IFT80: variants seen among roughly 807,000 people sequenced by gnomAD.
The protein encoded by IFT80 is intraflagellar transport 80.
Under a neutral mutation model 107.9 loss-of-function variants are expected in IFT80, and 79 were observed. The ratio of observed to expected loss-of-function variants is 0.73; its 90% CI spans 0.61 to 0.88. The LOEUF (loss-of-function observed/expected upper bound fraction) is 0.88, where lower values mean the gene tolerates loss of function less well. Among genes scored for constraint, IFT80 ranks in the 40% least tolerant of loss-of-function variants. The pLI is 0.00. For synonymous variants in IFT80, 299 were observed against 300.9 expected (o/e 0.99, Z 0.07); for missense variants, 797 against 914.2 (o/e 0.87, Z 1.65).
At chr3:160,280,620 A>C (rs762873799) in intron 15 of IFT80, 47 bp downstream of exon 15, 1 of 1,503,860 alleles carries the variant, frequency 6.6e-7, no homozygotes, top group East Asian at 2.3e-5. Flanking sequence ...ATACTCTATT[A>C]GAGTTTTATT....
chr3:160,318,924 C>T (rs1169868625), intron 9 of IFT80, among the ~76,000 whole-genome samples: 1 of 151,956 alleles, frequency 6.6e-6, no homozygotes. Flanking sequence ...CCTCCCTATA[C>T]CCAGAGGAAA....
At chr3:160,357,648 T>C (rs1721190388) in intron 6 of IFT80, 70 bp from the exon 7 acceptor site, 10 of 999,432 alleles carry the variant, frequency 1.0e-5, no homozygotes, top group South Asian at 5.5e-5. Flanking sequence ...GTAAGAAATA[T>C]ATTTTGCCTC....
Position 160,300,753 on chromosome 3 carries a change from A to G in IFT80, c.1315+130T>C, listed in dbSNP as rs1576774115. 5 of 713,680 alleles carry G rather than the reference A, an allele frequency of 7.0e-6. No homozygotes were observed. The East Asian group carries it at 1.4e-4, about 20-fold the overall frequency. The allele number at this position is 713,680 out of a possible 1,614,324, so 44.2% of individuals were successfully genotyped here. On this transcript the variant is annotated intron_variant, in intron 12 of 19. Coordinates refer to ENST00000326448, the MANE Select transcript of IFT80 (RefSeq NM_020800.3). ...TTAACTCATGTTTTGAAAACAAAATAGAAAGCTCATAATTCTTTTTCTATA... is the reference window on the plus strand; with the variant it reads ...TTAACTCATGTTTTGAAAACAAAATGGAAAGCTCATAATTCTTTTTCTATA...
Position 160,268,884 on chromosome 3 carries a change from A to G in IFT80, c.2100-348T>C, listed in dbSNP as rs545997727. On this transcript the variant is annotated intron_variant, in intron 18 of 19. Transcript: ENST00000326448. ...GCCAATACACTTATTGAAGGGAGAC[A>G]TTTCTCTTTGGTGAGTAATACAGAG... 3.3e-5 allele frequency: 9 copies of G among 269,260 alleles called. No homozygotes were observed. The East Asian group carries it at 8.3e-4, about 25-fold the overall frequency. 16.7% of individuals were successfully genotyped at this position (269,260 alleles called of 1,614,324 possible). A position where few individuals can be genotyped will look rare whatever the true frequency, so the allele number is the denominator to read the frequency against.
At chr3:160,392,474 T>C (rs1006144392) in intron 1 of IFT80, among the ~76,000 whole-genome samples, 1 of 152,222 alleles carries the variant, frequency 6.6e-6, no homozygotes, top group Non-Finnish European at 1.5e-5. Context: ...ACCGTGATTT[T>C]CCCTTCAACT....
rs908245596 is a variant in IFT80, at chr3:160,385,974, T to C, written c.-46-1328A>G. On this transcript the variant is annotated intron_variant, in intron 1 of 19. Coordinates refer to ENST00000326448, the MANE Select transcript of IFT80 (RefSeq NM_020800.3). The stretch of plus-strand genomic sequence containing the variant: ...ATACACATAAAAACTGAATATACTA[T>C]TACAATCAGAAACTTAAAAGACATG... Among the ~76,000 whole-genome samples, 15 of 152,308 alleles carry C rather than the reference T, an allele frequency of 9.8e-5. No homozygotes were observed. In the East Asian group the frequency reaches 2.3e-3, roughly 23 times the overall value.
At chr3:160,321,522 A>G (rs1718216285) in intron 8 of IFT80, among the ~76,000 whole-genome samples, 1 of 151,974 alleles carries the variant, frequency 6.6e-6, no homozygotes, top group African/African-American at 2.4e-5. Flanking sequence ...CAGGATCCCC[A>G]GTGGAAGCCT....
chr3:160,326,203 AAAC>A (rs1718663536), intron 8 of IFT80, among the ~76,000 whole-genome samples: 1 of 152,110 alleles, frequency 6.6e-6, no homozygotes, highest in Non-Finnish European at 1.5e-5. Context: ...TCTAGTAATA[AAAC>A]AATATAATCA....
chr3:160,285,971 T>TGTGGTCTAGAGAGTTA, intron 12 of IFT80, 103 bp from the exon 13 acceptor site: 3 of 786,030 alleles, frequency 3.8e-6, no homozygotes, highest in Non-Finnish European at 6.3e-6. Flanking sequence ...TTTAACTCTC[T>TGTGGTCTAGAGAGTTA]AGACCACAGA....
At chr3:160,386,564 C>T (rs2108412312) in intron 1 of IFT80, among the ~76,000 whole-genome samples, 1 of 152,188 alleles carries the variant, frequency 6.6e-6, no homozygotes, top group African/African-American at 2.4e-5. Flanking sequence ...CAGTGTGGGT[C>T]AACATTTATG....
intron 2 of IFT80, chr3:160,383,488 T>C: frequency 1.1e-6 from 1 of 928,632 alleles, no homozygotes; most frequent in Non-Finnish European, 1.3e-6. Context: ...CTAGTTCTGA[T>C]GAAGGACCAG....
At chr3:160,264,891 C>T (rs1180397516) in intron 19 of IFT80, among the ~76,000 whole-genome samples, 1 of 152,110 alleles carries the variant, frequency 6.6e-6, no homozygotes, top group Non-Finnish European at 1.5e-5. Context: ...ACATGTTATT[C>T]TCATCTCCTA....
intron 8 of IFT80, among the ~76,000 whole-genome samples, chr3:160,328,163 C>G (rs1421395882): frequency 6.6e-6 from 1 of 151,890 alleles, no homozygotes; most frequent in Non-Finnish European, 1.5e-5. Flanking sequence ...GTCAGAATGG[C>G]TATTACTAAA....
At chr3:160,345,071 C>T (rs1559951580) in intron 8 of IFT80, among the ~76,000 whole-genome samples, 1 of 152,090 alleles carries the variant, frequency 6.6e-6, no homozygotes, top group Non-Finnish European at 1.5e-5. Flanking sequence ...ACCATATGAC[C>T]AAGCAATCCC....
chr3:160,278,399 T>C (rs374909476), intron 16 of IFT80, among the ~76,000 whole-genome samples: 22 of 152,340 alleles, frequency 1.4e-4, no homozygotes, highest in African/African-American at 5.0e-4. Flanking sequence ...CCCTGTGCTA[T>C]GTAAATGTCA....
chr3:160,379,344 A>C (rs548821030), intron 3 of IFT80, among the ~76,000 whole-genome samples: 114 of 152,332 alleles, frequency 7.5e-4, no homozygotes, highest in African/African-American at 2.6e-3. Context: ...AGCAAAAATA[A>C]ACTTCTATGG....
At chr3:160,258,662 T>G (rs1490770693) in intron 19 of IFT80, 27 bp from the exon 20 acceptor site, 3 of 1,605,116 alleles carry the variant, frequency 1.9e-6, no homozygotes, top group Non-Finnish European at 2.5e-6. Context: ...AAAGAAGAAA[T>G]ATGCTTAGAT....
intron 3 of IFT80, among the ~76,000 whole-genome samples, chr3:160,378,145 A>G (rs901406938): frequency 3.3e-5 from 5 of 152,134 alleles, no homozygotes; most frequent in African/African-American, 1.2e-4. Context: ...GACACAGTAT[A>G]AAATTATATA....
At chr3:160,283,234 G>A (rs1465248046) in intron 13 of IFT80, among the ~76,000 whole-genome samples, 1 of 152,140 alleles carries the variant, frequency 6.6e-6, no homozygotes, top group Non-Finnish European at 1.5e-5. Flanking sequence ...CTAACTCCAA[G>A]ATCACTGCTT....
Sources: allele counts gnomAD v4.1 joint callset (sites outside exome capture counted in the v4.1 genomes callset), GRCh38; gene constraint gnomAD v4.1.1; transcripts MANE v1.5; gene names NCBI Gene and HGNC (gene_info 2026-07-23, HGNC 2026-07-21).